FBXL17: variants seen among roughly 807,000 people sequenced by gnomAD.
The protein encoded by FBXL17 is F-box/LRR-repeat protein 17.
A neutral mutation model predicts 66.2 loss-of-function variants in FBXL17; 22 were observed. That is an observed-to-expected ratio of 0.33 (90% confidence interval 0.24 to 0.47). The LOEUF (loss-of-function observed/expected upper bound fraction) is 0.47, where lower values mean the gene tolerates loss of function less well. FBXL17 is among the 20% of genes least tolerant of loss of function. FBXL17 has a pLI of 1.00. For missense variants in FBXL17, 878 were observed against 948.2 expected, an observed-to-expected ratio of 0.93 and a Z score of 0.97; for synonymous variants, 474 against 400.5, an observed-to-expected ratio of 1.18 and a Z score of -2.19.
intron 7 of FBXL17, among the ~76,000 whole-genome samples, chr5:107,908,477 T>G (rs1328568717): frequency 6.6e-6 from 1 of 152,158 alleles, no homozygotes; most frequent in Non-Finnish European, 1.5e-5. Flanking sequence ...ATCCATATAT[T>G]CAAAGTTAAA....
At chr5:107,920,945 A>C (rs1459165446) in intron 7 of FBXL17, among the ~76,000 whole-genome samples, 1 of 152,198 alleles carries the variant, frequency 6.6e-6, no homozygotes, top group East Asian at 1.9e-4. Context: ...CATGGTTTAC[A>C]ATGCATTTCT....
chr5:108,292,914 C>A (rs1354586966), intron 4 of FBXL17, among the ~76,000 whole-genome samples: 1 of 151,976 alleles, frequency 6.6e-6, no homozygotes, highest in African/African-American at 2.4e-5. Flanking sequence ...CATGGTGAAA[C>A]CCCATCTCTA....
intron 6 of FBXL17, among the ~76,000 whole-genome samples, chr5:108,025,730 C>T (rs570097823): frequency 2.9e-5 from 2 of 69,748 alleles, no homozygotes; most frequent in Non-Finnish European, 5.8e-5. Context: ...CGCGCGCGCA[C>T]ACACACACAC....
intron 4 of FBXL17, among the ~76,000 whole-genome samples, chr5:108,325,655 T>C (rs1024171097): frequency 1.7e-4 from 26 of 152,144 alleles, no homozygotes; most frequent in Admixed American, 7.9e-4. Flanking sequence ...AGCAATGTTA[T>C]TGAAAAACAG....
intron 4 of FBXL17, among the ~76,000 whole-genome samples, chr5:108,326,626 G>T (rs151010138): frequency 3.3e-5 from 5 of 151,660 alleles, no homozygotes; most frequent in Admixed American, 3.3e-4. Context: ...AAAAGCAAAA[G>T]ATTTGAAAAG....
In FBXL17 at chr5:107,859,390, G is replaced by GTTTTTTTTTTTTTTTT. The variant is rs549840338; in HGVS notation, c.*2314_*2329dup. 5.0e-5 allele frequency: 3 copies of GTTTTTTTTTTTTTTTT among 60,184 alleles called. No homozygotes were observed. Among genetic ancestry groups the GTTTTTTTTTTTTTTTT allele is most frequent in the Admixed American group, 2.6e-4 (1 of 3,830 alleles). 3.7% of individuals were successfully genotyped at this position (60,184 alleles called of 1,614,324 possible). A position where few individuals can be genotyped will look rare whatever the true frequency, so the allele number is the denominator to read the frequency against. ...CTCAAGGTGATGCTTTTTTCTGGCT[G>GTTTTTTTTTTTTTTTT]TTTTTTTTTTTTTTTTTTTTTTTTT... On this transcript the variant is annotated 3_prime_UTR_variant, in exon 9 of 9. Coordinates refer to ENST00000542267, the MANE Select transcript of FBXL17 (RefSeq NM_001163315.3).
At chr5:108,094,583 C>T (rs571841226) in intron 6 of FBXL17, among the ~76,000 whole-genome samples, 2 of 152,178 alleles carry the variant, frequency 1.3e-5, no homozygotes, top group South Asian at 4.2e-4. Flanking sequence ...TTACAACTTC[C>T]CCATTCATGT....
chr5:108,158,509 CTGTGTGTGTG>C (rs3984948), intron 6 of FBXL17, among the ~76,000 whole-genome samples: 2 of 149,206 alleles, frequency 1.3e-5, no homozygotes, highest in African/African-American at 2.5e-5. Flanking sequence ...GTGTGTGTGT[CTGTGTGTGTG>C]TGTGTGTGTG....
chr5:108,118,924 A>T (rs1275908940), intron 6 of FBXL17, among the ~76,000 whole-genome samples: 1 of 152,138 alleles, frequency 6.6e-6, no homozygotes, highest in East Asian at 1.9e-4. Flanking sequence ...TAACTCATCC[A>T]TGAAGATTCA....
At chr5:108,221,005 A>G (rs1165059333) in intron 5 of FBXL17, among the ~76,000 whole-genome samples, 1 of 152,194 alleles carries the variant, frequency 6.6e-6, no homozygotes, top group African/African-American at 2.4e-5. Flanking sequence ...GTTTCCAAAC[A>G]GTCCCATAAA....
Position 108,368,012 on chromosome 5 carries a change from A to C in FBXL17, c.994-59T>G. 9 of 1,471,000 alleles carry C rather than the reference A, an allele frequency of 6.1e-6. No individual in the cohort carries two copies. In the South Asian group the frequency reaches 1.1e-4, roughly 17 times the overall value. The allele number at this position is 1,471,000 out of a possible 1,614,324, so 91.1% of individuals were successfully genotyped here. A position where few individuals can be genotyped will look rare whatever the true frequency, so the allele number is the denominator to read the frequency against. On this transcript the variant is annotated intron_variant, in intron 1 of 8. Transcript: ENST00000542267. ...CTAAACATTTTCAAGGCACAGGAAA[A>C]GGTTTTTATTAGTTAGAAAAAGTTA...
intron 4 of FBXL17, among the ~76,000 whole-genome samples, chr5:108,294,038 T>C (rs866942659): frequency 4.1e-4 from 38 of 93,536 alleles, no homozygotes; most frequent in Admixed American, 1.2e-3. Flanking sequence ...GAGACTCTTG[T>C]CTCACAAAAA....
At chr5:108,071,590 G>A (rs289232) in intron 6 of FBXL17, among the ~76,000 whole-genome samples, 84,243 of 151,490 alleles carry the variant, frequency 0.56, 24,051 homozygotes, top group South Asian at 0.83. Flanking sequence ...GTTCCTCCTC[G>A]TCTTCTTTAT....
chr5:108,077,834 TAGAATCACTA>T (rs1748612693), intron 6 of FBXL17, among the ~76,000 whole-genome samples: 6 of 152,178 alleles, frequency 3.9e-5, no homozygotes, highest in Admixed American at 3.3e-4. Flanking sequence ...TCTTCTAACT[TAGAATCACTA>T]AGAATCACTA....
intron 6 of FBXL17, among the ~76,000 whole-genome samples, chr5:108,117,741 T>C (rs1299487513): frequency 6.6e-6 from 1 of 152,156 alleles, no homozygotes; most frequent in Non-Finnish European, 1.5e-5. Flanking sequence ...AGCTACTAAC[T>C]ACACCCCCTC....
intron 6 of FBXL17, among the ~76,000 whole-genome samples, chr5:108,080,684 G>A (rs1439398855): frequency 6.6e-6 from 1 of 152,076 alleles, no homozygotes; most frequent in Non-Finnish European, 1.5e-5. Context: ...GAAAAGGCAA[G>A]ATAACTGGAA....
intron 7 of FBXL17, among the ~76,000 whole-genome samples, chr5:107,968,038 A>T (rs904301924): frequency 2.6e-5 from 4 of 152,132 alleles, no homozygotes; most frequent in Non-Finnish European, 4.4e-5. Flanking sequence ...ACATATTTAA[A>T]GGTATAAATA....
intron 6 of FBXL17, among the ~76,000 whole-genome samples, chr5:108,166,042 A>T (rs1471713031): frequency 6.6e-6 from 1 of 152,224 alleles, no homozygotes; most frequent in Non-Finnish European, 1.5e-5. Flanking sequence ...ATTTTCAAGC[A>T]GTTCACAGTT....
At chr5:107,876,557 GC>G (rs1260269490) in intron 8 of FBXL17, among the ~76,000 whole-genome samples, 21 of 152,196 alleles carry the variant, frequency 1.4e-4, no homozygotes, top group African/African-American at 5.1e-4. Flanking sequence ...TATCACCGAG[GC>G]CTCGCAAACA....
Sources: gnomAD v4.1 joint callset for allele counts (sites outside exome capture counted in the v4.1 genomes callset) on GRCh38, gnomAD v4.1.1 for gene constraint, MANE v1.5 for transcripts, NCBI Gene and HGNC (gene_info 2026-07-23, HGNC 2026-07-21) for gene names.